The following SEM1 variants were observed in gnomAD, a reference collection of about 807,000 sequenced individuals.
The protein encoded by SEM1 is 26S proteasome complex subunit SEM1.
Under a neutral mutation model 12.7 loss-of-function variants are expected in SEM1, and 3 were observed. That is an observed-to-expected ratio of 0.24 (90% CI 0.11 to 0.61). The LOEUF (loss-of-function observed/expected upper bound fraction) is 0.61, where lower values mean the gene tolerates loss of function less well. Ranked by LOEUF, SEM1 falls within the 20% of genes least tolerant of loss-of-function variation. The pLI, the probability that SEM1 is intolerant of heterozygous loss-of-function variation, is 0.88. For synonymous variants in SEM1, 30 were observed against 27.8 expected, an observed-to-expected ratio of 1.08 and a Z score of -0.25; for missense variants, 59 against 81.3, an observed-to-expected ratio of 0.73 and a Z score of 1.06.
intron 2 of SEM1, among the ~76,000 whole-genome samples, chr7:96,543,258 G>T (rs1444999454): frequency 6.6e-6 from 1 of 151,794 alleles, no homozygotes; most frequent in African/African-American, 2.4e-5. Flanking sequence ...ACATTTTATT[G>T]GGAGTATAAG....
At chr7:96,625,254 G>A (rs1808025493) in intron 2 of SEM1, among the ~76,000 whole-genome samples, 1 of 152,000 alleles carries the variant, frequency 6.6e-6, no homozygotes, top group African/African-American at 2.4e-5. Context: ...TTATATTTAG[G>A]GTGTCATTTC....
chr7:96,483,920 C>T lies in SEM1; in HGVS notation c.326G>A (p.Cys109Tyr), dbSNP rs1234696338. 7.2e-6 allele frequency: 11 copies of T among 1,536,396 alleles called. No individual in the cohort carries two copies. The Admixed American group carries it at 2.2e-4, about 30-fold the overall frequency. ...GTCACCCGAATGGCAGCCAGGCAGG[C>T]AAGAACAATCTTCACAGTGCACCAA... is the stretch of plus-strand genomic sequence containing the variant. Residue 109 changes from cysteine to tyrosine, a missense_variant, in exon 4 of 4, where the codon TGC becomes TAC. Transcript: ENST00000356686.
intron 2 of SEM1, among the ~76,000 whole-genome samples, chr7:96,662,276 T>C (rs531450426): frequency 6.6e-6 from 1 of 152,230 alleles, no homozygotes; most frequent in East Asian, 1.9e-4. Flanking sequence ...CCAACCCAAA[T>C]GACCATCAAT....
At chr7:96,568,627 T>C (rs1051207659) in intron 2 of SEM1, among the ~76,000 whole-genome samples, 3 of 151,828 alleles carry the variant, frequency 2.0e-5, no homozygotes, top group East Asian at 3.9e-4. Flanking sequence ...TTTGCCTCCT[T>C]CAGGTTTCAG....
chr7:96,610,606 C>T (rs1524921), intron 2 of SEM1, among the ~76,000 whole-genome samples: 146,981 of 152,332 alleles, frequency 0.96, 71,118 homozygotes, highest in East Asian at 1. Context: ...AAAGATAAAA[C>T]GAATTTCTAA....
At chr7:96,696,061 TAACTTA>T (rs1471563504) in intron 1 of SEM1, 7 of 151,952 alleles carry the variant, frequency 4.6e-5, no homozygotes, top group African/African-American at 1.7e-4. Flanking sequence ...TTACTTCTTT[TAACTTA>T]GAGAGGGGAA....
chr7:96,618,279 T>G (rs777265999), downstream of SEM1, among the ~76,000 whole-genome samples: 2 of 152,178 alleles, frequency 1.3e-5, no homozygotes, highest in Non-Finnish European at 2.9e-5. Context: ...TTTCCAGAAT[T>G]TATCCATTTC....
At position 96,680,307 on chromosome 7, in the gene SEM1, T is replaced by C. The variant is rs532787708; in HGVS notation, c.171-6448A>G. Among the ~76,000 whole-genome samples the C allele has an allele frequency of 5.9e-5, 9 of 152,210 alleles. No homozygotes were observed. The South Asian group carries it at 1.9e-3, about 32-fold the overall frequency. ...TTGAATCCTTATCTCTATTCTAAGTTGCTTCTGAGACAACCCACAGTAAGA... is the reference window on the plus strand; with the variant it reads ...TTGAATCCTTATCTCTATTCTAAGTCGCTTCTGAGACAACCCACAGTAAGA... On this transcript the variant is annotated intron_variant, in intron 2 of 2. Coordinates refer to the SEM1 transcript ENST00000413065.
At chr7:96,492,021 C>T (rs532059831) in intron 1 of SEM1, among the ~76,000 whole-genome samples, 1 of 152,192 alleles carries the variant, frequency 6.6e-6, no homozygotes, top group African/African-American at 2.4e-5. Flanking sequence ...CTTGGTTTGC[C>T]CTCAGTGTTT....
At chr7:96,595,938 C>A (rs544531968) in intron 2 of SEM1, among the ~76,000 whole-genome samples, 1 of 152,208 alleles carries the variant, frequency 6.6e-6, no homozygotes, top group South Asian at 2.1e-4. Context: ...CTGTTACACA[C>A]CTCTTCGATC....
At chr7:96,686,859 G>C (rs1487759724), downstream of SEM1, among the ~76,000 whole-genome samples, 2 of 152,116 alleles carry the variant, frequency 1.3e-5, no homozygotes, top group Non-Finnish European at 2.9e-5. Flanking sequence ...GCAACCTACA[G>C]AATGGGAGAA....
At chr7:96,509,195 A>G (rs1803854175) in intron 2 of SEM1, among the ~76,000 whole-genome samples, 1 of 144,148 alleles carries the variant, frequency 6.9e-6, no homozygotes, top group South Asian at 2.2e-4. Context: ...CAGTAGAGAC[A>G]GGGTTTCTCC....
chr7:96,615,961 G>T (rs906166296), intron 2 of SEM1, among the ~76,000 whole-genome samples: 4 of 152,114 alleles, frequency 2.6e-5, no homozygotes, highest in Admixed American at 6.6e-5. Flanking sequence ...GGACACTTAG[G>T]TTGATTTGAT....
intron 2 of SEM1, among the ~76,000 whole-genome samples, chr7:96,567,452 T>C (rs1350530684): frequency 3.3e-5 from 5 of 151,622 alleles, no homozygotes; most frequent in African/African-American, 1.2e-4. Flanking sequence ...TTTAATCATA[T>C]ATGTAAATAA....
chr7:96,601,370 G>A (rs1375583159), intron 2 of SEM1, among the ~76,000 whole-genome samples: 1 of 152,182 alleles, frequency 6.6e-6, no homozygotes, highest in Non-Finnish European at 1.5e-5. Flanking sequence ...GGGTTTAGAA[G>A]GAGGATGGGG....
At chr7:96,521,715 T>A (rs1804277115) in intron 2 of SEM1, among the ~76,000 whole-genome samples, 1 of 151,916 alleles carries the variant, frequency 6.6e-6, no homozygotes, top group Non-Finnish European at 1.5e-5. Context: ...TCCCCTGGAG[T>A]CACATGGAAT....
chr7:96,557,009 A>G (rs1187821245), intron 2 of SEM1, among the ~76,000 whole-genome samples: 2 of 149,046 alleles, frequency 1.3e-5, no homozygotes, highest in African/African-American at 4.9e-5. Context: ...TGCATTCTTC[A>G]CGTAGTTCTC....
chr7:96,579,808 A>G (rs1563069690), intron 2 of SEM1, among the ~76,000 whole-genome samples: 1 of 152,148 alleles, frequency 6.6e-6, no homozygotes, highest in African/African-American at 2.4e-5. Flanking sequence ...TATGATTTTG[A>G]TATTGAGCTA....
chr7:96,642,143 A>G lies in SEM1; in HGVS notation c.171-19500T>C, dbSNP rs144162804. ...GCTCAACAGGAGTAGTGGCTACCAT[A>G]TGGTACAGCACACATCTAGAACATT... is the stretch of plus-strand genomic sequence containing the variant. On this transcript the variant is annotated intron_variant, in intron 2 of 2. Transcript: ENST00000417009. Among the ~76,000 whole-genome samples, 1,109 of 152,200 alleles carry G rather than the reference A, an allele frequency of 7.3e-3. 17 individuals are homozygous for G. The highest frequency in any genetic ancestry group is 0.025 in the African/African-American group (1,059 of 41,568).
Sources: gnomAD v4.1 joint callset for allele counts (sites outside exome capture counted in the v4.1 genomes callset) on GRCh38, gnomAD v4.1.1 for gene constraint, MANE v1.5 for transcripts, NCBI Gene and HGNC (gene_info 2026-07-23, HGNC 2026-07-21) for gene names.